The following CDH13 variants were observed in gnomAD, a reference collection of about 807,000 sequenced individuals.
The protein encoded by CDH13 is cadherin-13.
Under a neutral mutation model 63.8 loss-of-function variants are expected in CDH13, and 24 were observed. The ratio of observed to expected loss-of-function variants is 0.38; its 90% CI spans 0.27 to 0.53. The LOEUF (loss-of-function observed/expected upper bound fraction) is 0.53. Among genes scored for constraint, CDH13 ranks in the 20% least tolerant of loss-of-function variants. CDH13 has a pLI of 0.85. For synonymous variants in CDH13, 503 were observed against 355.3 expected (o/e 1.42, Z -4.67); for missense variants, 1,049 against 903.1 (o/e 1.16, Z -2.07).
intron 5 of CDH13, among the ~76,000 whole-genome samples, chr16:83,336,234 G>A (rs2090593403): frequency 6.7e-6 from 1 of 149,834 alleles, no homozygotes; most frequent in South Asian, 2.1e-4. Context: ...CTGGGAGGCA[G>A]AGATTGCAGT....
intron 1 of CDH13, among the ~76,000 whole-genome samples, chr16:82,784,497 G>A (rs1182953319): frequency 1.3e-5 from 2 of 152,184 alleles, no homozygotes; most frequent in African/African-American, 4.8e-5. Flanking sequence ...GTCATTTATT[G>A]AGGGCCTGCT....
intron 3 of CDH13, among the ~76,000 whole-genome samples, chr16:83,062,414 G>T (rs950505519): frequency 1.3e-5 from 2 of 152,138 alleles, no homozygotes; most frequent in Non-Finnish European, 2.9e-5. Flanking sequence ...TGCCTGACAC[G>T]TAGTGCTTCA....
chr16:83,349,008 C>T (rs1295490291), intron 6 of CDH13, among the ~76,000 whole-genome samples: 2 of 152,190 alleles, frequency 1.3e-5, no homozygotes, highest in African/African-American at 4.8e-5. Context: ...CGAATGCCCT[C>T]GGCACCAATC....
chr16:83,598,634 T>C (rs1907492641), intron 7 of CDH13, among the ~76,000 whole-genome samples: 1 of 152,086 alleles, frequency 6.6e-6, no homozygotes, highest in African/African-American at 2.4e-5. Flanking sequence ...CTGAATCAAG[T>C]GTCTTGAGGA....
At chr16:83,633,493 A>AT (rs1910964266) in intron 8 of CDH13, among the ~76,000 whole-genome samples, 1 of 152,230 alleles carries the variant, frequency 6.6e-6, no homozygotes, top group Non-Finnish European at 1.5e-5. Context: ...AGTCAGCACA[A>AT]AAGGCCTTAG....
At chr16:83,511,557 G>C (rs1477840912) in intron 7 of CDH13, among the ~76,000 whole-genome samples, 2 of 151,858 alleles carry the variant, frequency 1.3e-5, no homozygotes, top group African/African-American at 2.4e-5. Flanking sequence ...ATAGAAACAA[G>C]TGAGTTATAA....
At chr16:83,305,046 A>C (rs533912940) in intron 5 of CDH13, among the ~76,000 whole-genome samples, 1 of 152,178 alleles carries the variant, frequency 6.6e-6, no homozygotes, top group Non-Finnish European at 1.5e-5. Context: ...TTTGCCACCT[A>C]AAACAGAATG....
rs1182398975 is a variant in CDH13 at position 82,699,370 on chromosome 16, A to C, written c.45+72233A>C. ...GTGCATTCAGCTCCATCCTCCTGAG[A>C]ACATACACTCTGCAAGTGGAGAGAA... On this transcript the variant is annotated intron_variant, in intron 1 of 13. Transcript: ENST00000567109. Among the ~76,000 whole-genome samples the C allele has an allele frequency of 2.0e-5, 3 of 152,138 alleles. No individual in the cohort carries two copies. The East Asian group carries it at 5.8e-4, about 29-fold the overall frequency.
chr16:83,071,955 C>G (rs1182593441), intron 3 of CDH13, among the ~76,000 whole-genome samples: 1 of 151,960 alleles, frequency 6.6e-6, no homozygotes, highest in Non-Finnish European at 1.5e-5. Flanking sequence ...AAACTAACGT[C>G]AAAGAGACAT....
chr16:82,800,633 C>G (rs2036804042), intron 1 of CDH13, among the ~76,000 whole-genome samples: 1 of 152,192 alleles, frequency 6.6e-6, no homozygotes, highest in African/African-American at 2.4e-5. Context: ...TCCTGGCCAG[C>G]TCTACATGAT....
At chr16:82,717,222 G>C (rs899990147) in intron 1 of CDH13, among the ~76,000 whole-genome samples, 1 of 151,990 alleles carries the variant, frequency 6.6e-6, no homozygotes, top group Non-Finnish European at 1.5e-5. Flanking sequence ...ATGCATAAGA[G>C]GATGCCAAAT....
chr16:83,391,557 T>C lies in CDH13; in HGVS notation c.781+46551T>C, dbSNP rs74757205. On this transcript the variant is annotated intron_variant, in intron 6 of 13. Coordinates refer to ENST00000567109, the MANE Select transcript of CDH13 (RefSeq NM_001257.5). ...CCCAATTATACTATAAAGGAACAACTAATTTAGAATAGGAGGTCTAGGTAA... is the reference window on the plus strand; with the variant it reads ...CCCAATTATACTATAAAGGAACAACCAATTTAGAATAGGAGGTCTAGGTAA... Among the ~76,000 whole-genome samples, 1,331 of 152,240 alleles carry C rather than the reference T, an allele frequency of 8.7e-3. 19 individuals are homozygous for C. Among genetic ancestry groups the C allele is most frequent in the East Asian group, 0.059 (304 of 5,172 alleles).
chr16:83,116,638 G>A (rs74318740), intron 3 of CDH13, among the ~76,000 whole-genome samples: 1,831 of 152,344 alleles, frequency 0.012, 31 homozygotes, highest in African/African-American at 0.042. Context: ...GGGAATGACT[G>A]CTAATGGGCA....
intron 7 of CDH13, among the ~76,000 whole-genome samples, chr16:83,514,764 G>T (rs577010290): frequency 6.6e-6 from 1 of 152,246 alleles, no homozygotes; most frequent in South Asian, 2.1e-4. Flanking sequence ...GAAATACCAC[G>T]GGTCACCAGC....
At chr16:83,481,386 C>A (rs1397131416) in intron 6 of CDH13, among the ~76,000 whole-genome samples, 1 of 152,200 alleles carries the variant, frequency 6.6e-6, no homozygotes, top group Non-Finnish European at 1.5e-5. Context: ...TTTGGAGCAT[C>A]CCCATCCTCA....
intron 4 of CDH13, among the ~76,000 whole-genome samples, chr16:83,183,548 A>C (rs889651232): frequency 6.6e-5 from 10 of 152,188 alleles, no homozygotes; most frequent in Non-Finnish European, 1.5e-4. Context: ...AATTAAACTC[A>C]ATTTTTCTTC....
intron 2 of CDH13, among the ~76,000 whole-genome samples, chr16:83,025,311 A>G (rs1915699195): frequency 6.6e-6 from 1 of 152,242 alleles, no homozygotes; most frequent in African/African-American, 2.4e-5. Flanking sequence ...ACTAATAAAG[A>G]CATACCTGGG....
At chr16:83,767,339 T>A (rs927225782) in intron 11 of CDH13, among the ~76,000 whole-genome samples, 1 of 152,208 alleles carries the variant, frequency 6.6e-6, no homozygotes, top group South Asian at 2.1e-4. Context: ...CCCCGTACTG[T>A]TCTTATGGTA....
intron 2 of CDH13, among the ~76,000 whole-genome samples, chr16:82,971,595 G>C (rs1436765067): frequency 6.6e-6 from 1 of 152,156 alleles, no homozygotes. Flanking sequence ...GTTTCTATAA[G>C]GTGTTCAACT....
Sources: allele counts gnomAD v4.1 joint callset (sites outside exome capture counted in the v4.1 genomes callset), GRCh38; gene constraint gnomAD v4.1.1; transcripts MANE v1.5; gene names NCBI Gene and HGNC (gene_info 2026-07-23, HGNC 2026-07-21).